COL23A1: variants seen among roughly 807,000 people sequenced by gnomAD.
COL23A1 encodes collagen type XXIII alpha 1 chain, also known as collagen alpha-1(XXIII) chain.
A neutral mutation model predicts 99.3 loss-of-function variants in COL23A1; 97 were observed. That is an observed-to-expected ratio of 0.98 (90% CI 0.83 to 1.16). COL23A1 has a LOEUF of 1.16. COL23A1 is among the 50% of genes most tolerant of loss of function. The pLI, the probability that COL23A1 is intolerant of heterozygous loss-of-function variation, is 0.00. For missense variants in COL23A1, 762 were observed against 757.4 expected, an observed-to-expected ratio of 1.01 and a Z score of -0.07; for synonymous variants, 320 against 308.2, an observed-to-expected ratio of 1.04 and a Z score of -0.40.
chr5:178,468,472 T>C lies in COL23A1; in HGVS notation c.361+92210A>G, dbSNP rs2127924243. Among the ~76,000 whole-genome samples, 1 of 152,318 alleles carries C rather than the reference T, an allele frequency of 6.6e-6. No homozygotes were observed. Among genetic ancestry groups the C allele is most frequent in the Non-Finnish European group, 1.5e-5 (1 of 68,020 alleles). On this transcript the variant is annotated intron_variant, in intron 2 of 28. Coordinates refer to ENST00000390654, the MANE Select transcript of COL23A1 (RefSeq NM_173465.4). This position sits in a 1 kb window ranked among gnomAD's most constrained non-coding sequence, Gnocchi z 4.2. ...CGTCTCCTGTGGGCTAGACACTGCC[T>C]GCAGGGCACGAGATGATTATTTCGT...
At chr5:178,320,138 C>T (rs1759211170) in intron 2 of COL23A1, among the ~76,000 whole-genome samples, 1 of 152,232 alleles carries the variant, frequency 6.6e-6, no homozygotes, top group Non-Finnish European at 1.5e-5. Context: ...TTCTTCCAGA[C>T]ACTTATTTCT....
At chr5:178,526,539 T>C (rs1308442963) in intron 2 of COL23A1, among the ~76,000 whole-genome samples, 1 of 152,180 alleles carries the variant, frequency 6.6e-6, no homozygotes, top group African/African-American at 2.4e-5. Flanking sequence ...CTGAAACCAG[T>C]AAACTCCAGA....
chr5:178,589,899 C>T lies in COL23A1; in HGVS notation c.294+5G>A. On this transcript the variant is annotated splice_donor_5th_base_variant and intron_variant, in intron 1 of 28. Transcript: ENST00000390654. The surrounding 1 kb of genome is among the most constrained non-coding windows in gnomAD (Gnocchi z 5.4). ...TCCGCCCCAGCCACGCGCCAAGACG[C>T]TCACCTCCCGCAGCAGGCGCTCCAG... 1 of 1,310,982 alleles carries T rather than the reference C, an allele frequency of 7.6e-7. No homozygotes were observed. Among genetic ancestry groups the T allele is most frequent in the Non-Finnish European group, 9.7e-7 (1 of 1,035,982 alleles). The allele number at this position is 1,310,982 out of a possible 1,614,324, so 81.2% of individuals were successfully genotyped here.
chr5:178,437,171 C>T (rs1355651733), intron 2 of COL23A1, among the ~76,000 whole-genome samples: 3 of 152,190 alleles, frequency 2.0e-5, no homozygotes, highest in African/African-American at 7.2e-5. Flanking sequence ...GTGAGCCACA[C>T]TCCTGTTCCT....
At chr5:178,506,626 C>A (rs1758888255) in intron 2 of COL23A1, among the ~76,000 whole-genome samples, 1 of 152,164 alleles carries the variant, frequency 6.6e-6, no homozygotes, top group Admixed American at 6.5e-5. Context: ...TGGAATAAAG[C>A]AAGGATTTAA....
intron 2 of COL23A1, among the ~76,000 whole-genome samples, chr5:178,486,333 C>T (rs1020606042): frequency 1.3e-5 from 2 of 152,144 alleles, no homozygotes; most frequent in Admixed American, 1.3e-4. Context: ...TTTCTTAGCC[C>T]AGGGAGGCTT....
intron 2 of COL23A1, among the ~76,000 whole-genome samples, chr5:178,334,108 A>T (rs1250007082): frequency 6.6e-6 from 1 of 152,034 alleles, no homozygotes; most frequent in Non-Finnish European, 1.5e-5. Flanking sequence ...CTGTGGGCTA[A>T]GGGTACCCTG....
intron 2 of COL23A1, among the ~76,000 whole-genome samples, chr5:178,329,922 G>A (rs1451597784): frequency 7.1e-6 from 1 of 140,568 alleles, no homozygotes; most frequent in Non-Finnish European, 1.5e-5. Flanking sequence ...GGATGACACA[G>A]TGAGATTCTG....
rs1212442194 is a variant in COL23A1 at position 178,309,709 on chromosome 5, C to G, written c.362-2790G>C. ...CAAGCAGTCAAGCCAGAGACCCCCC[C>G]CCGGGCATCATCCTGCCCCAGCCCC... On this transcript the variant is annotated intron_variant, in intron 2 of 28. Coordinates refer to ENST00000390654, the MANE Select transcript of COL23A1 (RefSeq NM_173465.4). The surrounding 1 kb of genome is among the most constrained non-coding windows in gnomAD (Gnocchi z 4.7). Among the ~76,000 whole-genome samples, 2 of 151,970 alleles carry G rather than the reference C, an allele frequency of 1.3e-5. No homozygotes were observed. Among genetic ancestry groups the G allele is most frequent in the Admixed American group, 6.6e-5 (1 of 15,264 alleles).
intron 18 of COL23A1, among the ~76,000 whole-genome samples, 188 bp from the exon 19 acceptor site, chr5:178,249,394 G>T (rs1350525018): frequency 2.0e-5 from 3 of 152,194 alleles, no homozygotes; most frequent in Non-Finnish European, 4.4e-5. Flanking sequence ...GCCACTCCTG[G>T]CTCATTGCAT....
chr5:178,283,214 T>C (rs1756991062), intron 5 of COL23A1, among the ~76,000 whole-genome samples: 3 of 151,906 alleles, frequency 2.0e-5, no homozygotes, highest in Admixed American at 1.3e-4. Flanking sequence ...AAACACAGAG[T>C]CAAGTTCCAT....
intron 2 of COL23A1, among the ~76,000 whole-genome samples, chr5:178,327,492 A>C (rs1759753417): frequency 6.6e-6 from 1 of 151,910 alleles, no homozygotes; most frequent in African/African-American, 2.4e-5. Flanking sequence ...GGCCTTGGAG[A>C]CCTTATCTGC....
At chr5:178,503,431 T>C (rs1758685632) in intron 2 of COL23A1, among the ~76,000 whole-genome samples, 1 of 152,184 alleles carries the variant, frequency 6.6e-6, no homozygotes. Context: ...GCTGAGGACA[T>C]ATCACTGGCT....
In COL23A1 at chr5:178,552,294, C is replaced by CGAAT. The variant is rs555727629; in HGVS notation, c.361+8384_361+8387dup. 1.6e-3 allele frequency among the ~76,000 whole-genome samples: 244 copies of CGAAT among 152,050 alleles called. 5 individuals are homozygous for CGAAT. In the South Asian group the frequency reaches 0.039, roughly 24 times the overall value. ...CCAGCACAAAATAGGGTAGGAGAGA[C>CGAAT]GAATGAATGAATGAATGAATGAACA... On this transcript the variant is annotated intron_variant, in intron 2 of 28. Coordinates refer to ENST00000390654, the MANE Select transcript of COL23A1 (RefSeq NM_173465.4).
chr5:178,242,024 C>G lies in COL23A1; in HGVS notation c.1581+18G>C, dbSNP rs1380596168. 1 of 1,545,854 alleles carries G rather than the reference C, an allele frequency of 6.5e-7. No homozygotes were observed. Among genetic ancestry groups the G allele is most frequent in the Non-Finnish European group, 8.8e-7 (1 of 1,142,050 alleles). On this transcript the variant is annotated intron_variant, in intron 27 of 28. Transcript: ENST00000390654. Reference sequence around the variant, plus strand: ...GAGGCCAAAAAGACCTGGGGCAGGGCCCTCCTCCGACACCTACCACGGGAC... The same window carrying G: ...GAGGCCAAAAAGACCTGGGGCAGGGGCCTCCTCCGACACCTACCACGGGAC...
intron 2 of COL23A1, among the ~76,000 whole-genome samples, chr5:178,359,566 C>G (rs1355956978): frequency 6.6e-6 from 1 of 152,182 alleles, no homozygotes; most frequent in African/African-American, 2.4e-5. Flanking sequence ...TGGCCCCTGT[C>G]AGAGTGCAGG....
chr5:178,577,903 C>T (rs1763462639), intron 1 of COL23A1, among the ~76,000 whole-genome samples: 1 of 152,240 alleles, frequency 6.6e-6, no homozygotes, highest in African/African-American at 2.4e-5. Flanking sequence ...GGCCCAGCTA[C>T]AGGGTCTTTC....
In COL23A1 at chr5:178,309,805, C is replaced by T. The variant is rs533374037; in HGVS notation, c.362-2886G>A. On this transcript the variant is annotated intron_variant, in intron 2 of 28. Transcript: ENST00000390654. The surrounding 1 kb of genome is among the most constrained non-coding windows in gnomAD (Gnocchi z 4.7). ...GCACTCAGTCCCCCACTCTGCCACT[C>T]GCTCTGCTGTGCTCGATTCTCCCTC... Among the ~76,000 whole-genome samples the T allele has an allele frequency of 5.3e-4, 81 of 152,188 alleles. No individual in the cohort carries two copies. Among genetic ancestry groups the T allele is most frequent in the African/African-American group, 1.9e-3 (77 of 41,502 alleles).
intron 2 of COL23A1, among the ~76,000 whole-genome samples, chr5:178,477,570 A>G (rs1435180584): frequency 6.6e-6 from 1 of 152,136 alleles, no homozygotes; most frequent in Non-Finnish European, 1.5e-5. Context: ...GACAGTTTGT[A>G]CCCAAAGGGA....
Sources: gnomAD v4.1 joint callset for allele counts (sites outside exome capture counted in the v4.1 genomes callset) on GRCh38, gnomAD v4.1.1 for gene constraint, Gnocchi (gnomAD v3.1) non-coding constraint, MANE v1.5 for transcripts, NCBI Gene and HGNC (gene_info 2026-07-23, HGNC 2026-07-21) for gene names.